Variants in DLGAP1 observed in about 807,000 individuals in gnomAD.
DLGAP1 encodes DLG associated protein 1.
A neutral mutation model predicts 90.8 loss-of-function variants in DLGAP1; 11 were observed. That is an observed-to-expected ratio of 0.12 (90% CI 0.08 to 0.20). The LOEUF (loss-of-function observed/expected upper bound fraction) is 0.20. DLGAP1 is among the 10% of genes least tolerant of loss of function. DLGAP1 has a pLI of 1.00. For missense variants in DLGAP1, 1,050 were observed against 1,333.8 expected, an observed-to-expected ratio of 0.79 and a Z score of 3.31; for synonymous variants, 558 against 540.7, an observed-to-expected ratio of 1.03 and a Z score of -0.44.
chr18:4,132,973 C>T (rs1054317069), intron 2 of DLGAP1, among the ~76,000 whole-genome samples: 11 of 152,170 alleles, frequency 7.2e-5, no homozygotes. Flanking sequence ...CAGATACAAT[C>T]TAGAGAGGCA....
At chr18:3,543,750 G>A (rs1047178437) in intron 9 of DLGAP1, among the ~76,000 whole-genome samples, 1 of 152,210 alleles carries the variant, frequency 6.6e-6, no homozygotes, top group African/African-American at 2.4e-5. Context: ...TTGACTGACT[G>A]GAGCGAGTTT....
chr18:3,554,399 T>C (rs760087573), intron 9 of DLGAP1, among the ~76,000 whole-genome samples: 51 of 152,320 alleles, frequency 3.3e-4, no homozygotes, highest in Admixed American at 5.9e-4. Flanking sequence ...TAATGTTTGA[T>C]GAAGATGATG....
At chr18:3,938,711 G>A (rs1467815177) in intron 3 of DLGAP1, among the ~76,000 whole-genome samples, 5 of 152,200 alleles carry the variant, frequency 3.3e-5, no homozygotes, top group Admixed American at 3.3e-4. Context: ...GAAGTGTGGT[G>A]CAAGAGGAAG....
intron 3 of DLGAP1, among the ~76,000 whole-genome samples, chr18:3,898,577 G>T (rs1354035461): frequency 6.6e-6 from 1 of 152,164 alleles, no homozygotes; most frequent in African/African-American, 2.4e-5. Flanking sequence ...TGTTACCAAG[G>T]TTGCAGCATA....
At position 3,814,069 on chromosome 18, in the gene DLGAP1, T is replaced by A; in HGVS notation, c.1162A>T (p.Thr388Ser). Residue 388 changes from threonine to serine, a missense_variant, in exon 5 of 13, where the codon ACC becomes TCC. Around this residue, in one of 2 missense-constraint regions of DLGAP1, gnomAD observed 565 missense variants for 879.7 expected, o/e 0.64. Coordinates refer to ENST00000315677, the MANE Select transcript of DLGAP1 (RefSeq NM_004746.4). The stretch of plus-strand genomic sequence containing the variant: ...GTTAGGACTACTCACTTGAGTGTGG[T>A]GAGTTCTGTAAGGGATGGCTGAGTA... ...KATQPSLTEL[T>S]TLKISNEHSP... The A allele has an allele frequency of 6.2e-7, 1 of 1,613,342 alleles. No individual in the cohort carries two copies. The highest frequency in any genetic ancestry group is 2.2e-5 in the East Asian group (1 of 44,862).
intron 1 of DLGAP1, among the ~76,000 whole-genome samples, chr18:4,384,595 T>A (rs1334202013): frequency 1.3e-5 from 2 of 152,138 alleles, no homozygotes; most frequent in Non-Finnish European, 2.9e-5. Flanking sequence ...TAACTCTAGA[T>A]CAAATACTCT....
chr18:4,013,366 G>C (rs2074463540), intron 2 of DLGAP1, among the ~76,000 whole-genome samples: 1 of 152,190 alleles, frequency 6.6e-6, no homozygotes, highest in Non-Finnish European at 1.5e-5. Flanking sequence ...AAACTGATCT[G>C]TGCCCAGGTC....
At chr18:4,444,788 C>T (rs1226714711) in intron 1 of DLGAP1, among the ~76,000 whole-genome samples, 2 of 152,146 alleles carry the variant, frequency 1.3e-5, no homozygotes, top group Non-Finnish European at 1.5e-5. Flanking sequence ...TTACTAATTG[C>T]TCACCATGAA....
At chr18:3,656,965 C>G (rs2059512453) in intron 7 of DLGAP1, among the ~76,000 whole-genome samples, 1 of 152,040 alleles carries the variant, frequency 6.6e-6, no homozygotes, top group African/African-American at 2.4e-5. Context: ...TCAGGATGGT[C>G]TCGATCTCCT....
At chr18:3,520,047 T>A (rs12964164) in intron 10 of DLGAP1, among the ~76,000 whole-genome samples, 67,488 of 151,338 alleles carry the variant, frequency 0.45, 15,333 homozygotes, top group Admixed American at 0.57. Context: ...AAGTAAAATT[T>A]AAAAAAAAAT....
rs531388997 is a variant in DLGAP1 at position 4,105,900 on chromosome 18, C to T, written c.-159+45280G>A. ...AAAAAAAATTAGCCGGGCGTGGTGG[C>T]GGGCACCTGTAGTCCCAGCTACTCG... On this transcript the variant is annotated intron_variant, in intron 2 of 12. Transcript: ENST00000315677. Among the ~76,000 whole-genome samples the T allele has an allele frequency of 2.2e-3, 339 of 151,876 alleles. 1 individual carries two copies. Among genetic ancestry groups the T allele is most frequent in the South Asian group, 4.4e-3 (21 of 4,810 alleles).
chr18:3,680,766 A>G (rs564550195), intron 7 of DLGAP1, among the ~76,000 whole-genome samples: 3 of 147,284 alleles, frequency 2.0e-5, no homozygotes, highest in Non-Finnish European at 3.0e-5. Context: ...TCCAGCCTGG[A>G]AGACAGAGCG....
intron 1 of DLGAP1, among the ~76,000 whole-genome samples, chr18:4,307,985 G>A (rs965815375): frequency 6.6e-6 from 1 of 152,126 alleles, no homozygotes; most frequent in Non-Finnish European, 1.5e-5. Context: ...AAAGTGCTGG[G>A]ATTACGGGCA....
intron 10 of DLGAP1, among the ~76,000 whole-genome samples, chr18:3,530,019 T>C (rs749888063): frequency 1.3e-5 from 2 of 152,126 alleles, no homozygotes; most frequent in Non-Finnish European, 2.9e-5. Flanking sequence ...CACACATCAT[T>C]ATAGAGTTGG....
chr18:4,358,586 T>C (rs1396178585), intron 1 of DLGAP1, among the ~76,000 whole-genome samples: 1 of 152,238 alleles, frequency 6.6e-6, no homozygotes, highest in Non-Finnish European at 1.5e-5. Flanking sequence ...GAGATATAAC[T>C]GCAGACTACT....
chr18:4,151,661 T>C (rs1402599832), intron 1 of DLGAP1, among the ~76,000 whole-genome samples: 2 of 152,212 alleles, frequency 1.3e-5, no homozygotes, highest in African/African-American at 4.8e-5. Context: ...TTATTTGTTT[T>C]CTCAACAGTA....
chr18:4,135,608 C>T (rs1490904677), intron 2 of DLGAP1, among the ~76,000 whole-genome samples: 1 of 152,096 alleles, frequency 6.6e-6, no homozygotes, highest in African/African-American at 2.4e-5. Flanking sequence ...CTCCCCACTA[C>T]ACTTCCCAGC....
At chr18:3,780,374 G>T (rs561912619) in intron 5 of DLGAP1, among the ~76,000 whole-genome samples, 1 of 152,166 alleles carries the variant, frequency 6.6e-6, no homozygotes, top group Admixed American at 6.5e-5. Context: ...CTGAAATCAA[G>T]GTGTCAACAG....
chr18:4,136,346 A>G lies in DLGAP1; in HGVS notation c.-159+14834T>C, dbSNP rs200231800. Reference sequence around the variant, plus strand: ...ACTGTTCTCCACAGTGGTTGTACGAATGTACATTCCCTCCAGCACTGGTTT... The same window carrying G: ...ACTGTTCTCCACAGTGGTTGTACGAGTGTACATTCCCTCCAGCACTGGTTT... On this transcript the variant is annotated intron_variant, in intron 2 of 12. Coordinates refer to ENST00000315677, the MANE Select transcript of DLGAP1 (RefSeq NM_004746.4). 7.2e-5 allele frequency among the ~76,000 whole-genome samples: 11 copies of G among 152,300 alleles called. No individual in the cohort carries two copies. The East Asian group carries it at 2.1e-3, about 29-fold the overall frequency.
Sources: allele counts gnomAD v4.1 joint callset (sites outside exome capture counted in the v4.1 genomes callset), GRCh38; gene constraint gnomAD v4.1.1; regional missense constraint gnomAD v4.1.1; transcripts MANE v1.5; gene names NCBI Gene and HGNC (gene_info 2026-07-23, HGNC 2026-07-21).